Variants in MRM3 observed in about 807,000 individuals in gnomAD.
The protein encoded by MRM3 is rRNA methyltransferase 3, mitochondrial.
Under a neutral mutation model 29.4 loss-of-function variants are expected in MRM3, and 26 were observed. That is an observed-to-expected ratio of 0.89 (90% CI 0.65 to 1.23). The LOEUF is 1.23. Among genes scored for constraint, MRM3 ranks in the 50% most tolerant of loss-of-function variants. The pLI, the probability that MRM3 is intolerant of heterozygous loss-of-function variation, is 0.00. For synonymous variants in MRM3, 225 were observed against 219.0 expected, an observed-to-expected ratio of 1.03 and a Z score of -0.24; for missense variants, 578 against 540.2, an observed-to-expected ratio of 1.07 and a Z score of -0.69.
rs1034200863 is a variant in MRM3 at position 792,173 on chromosome 17, A to C, written c.*104A>C. 5 of 1,182,276 alleles carry C rather than the reference A, an allele frequency of 4.2e-6. No homozygotes were observed. In the African/African-American group the frequency reaches 7.7e-5, roughly 18 times the overall value. The allele number at this position is 1,182,276 out of a possible 1,614,324, so 73.2% of individuals were successfully genotyped here. ...AGTGACTATGGCCCCCACGTTCAGGAGGAAGGTGTGATGCCGTCATACAGT... is the reference window on the plus strand; with the variant it reads ...AGTGACTATGGCCCCCACGTTCAGGCGGAAGGTGTGATGCCGTCATACAGT... On this transcript the variant is annotated 3_prime_UTR_variant, in exon 4 of 4. Transcript: ENST00000304478.
At position 787,603 on chromosome 17, in the gene MRM3, C is replaced by T. The variant is rs1290819327; in HGVS notation, c.560-362C>T. Among the ~76,000 whole-genome samples the T allele has an allele frequency of 2.6e-5, 4 of 151,904 alleles. No individual in the cohort carries two copies. The highest frequency in any genetic ancestry group is 4.4e-5 in the Non-Finnish European group (3 of 67,970). On this transcript the variant is annotated intron_variant, in intron 2 of 3. Coordinates refer to ENST00000304478, the MANE Select transcript of MRM3 (RefSeq NM_018146.4). The surrounding 1 kb of genome is among the most constrained non-coding windows in gnomAD (Gnocchi z 4.1). ...TCACTGTGTCGCCCAGGCTGGAGTG[C>T]AGTGGCGTGATCTTGGCTCACCACA...
intron 2 of MRM3, among the ~76,000 whole-genome samples, chr17:786,398 C>T (rs188798161): frequency 1.3e-5 from 2 of 152,158 alleles, no homozygotes; most frequent in Admixed American, 6.5e-5. Context: ...CTCAGCCTCC[C>T]GAGTAGCTGG....
chr17:786,021 T>C (rs2144520797), intron 2 of MRM3, among the ~76,000 whole-genome samples: 1 of 152,324 alleles, frequency 6.6e-6, no homozygotes, highest in South Asian at 2.1e-4. Context: ...GGCATGCTGT[T>C]TTTTCTATCA....
At chr17:783,056 G>T in intron 1 of MRM3, 27 bp from the exon 2 acceptor site, 1 of 1,352,222 alleles carries the variant, frequency 7.4e-7, no homozygotes, top group Non-Finnish European at 1.0e-6. Flanking sequence ...ATAGTTACCT[G>T]TTTTTTTTTT....
rs1910157559 is a variant in MRM3, at chr17:782,448, C to A, written c.70C>A (p.Leu24Ile). Reference protein sequence around the residue: ...PLLQVVQAWDLDARRWVRALR... With the variant: ...PLLQVVQAWDIDARRWVRALR... Reference sequence around the variant, plus strand: ...GCTGCAGGTGGTCCAGGCTTGGGACCTTGACGCGAGGCGCTGGGTCCGGGC... The same window carrying A: ...GCTGCAGGTGGTCCAGGCTTGGGACATTGACGCGAGGCGCTGGGTCCGGGC... The change falls in exon 1 of 4, where the codon CTT (leucine) becomes ATT (isoleucine). Residue 24 changes from leucine (L) to isoleucine (I), a missense_variant. Leu to Ile is a conservative substitution (Grantham distance 5). Coordinates refer to ENST00000304478, the MANE Select transcript of MRM3 (RefSeq NM_018146.4). The A allele has an allele frequency of 1.2e-6, 2 of 1,613,830 alleles. No homozygotes were observed. Among genetic ancestry groups the A allele is most frequent in the African/African-American group, 2.7e-5 (2 of 74,946 alleles).
rs1311696387 is a variant in MRM3, at chr17:782,390, G to C, written c.12G>C (p.Leu4=). MAA[L]VRPARFVVRP... Reference sequence around the variant, plus strand: ...GGGTCTCAGGGAACATGGCGGCGCTGGTGAGACCCGCGAGGTTTGTCGTGC... The same window carrying C: ...GGGTCTCAGGGAACATGGCGGCGCTCGTGAGACCCGCGAGGTTTGTCGTGC... Residue 4 remains leucine (L), a synonymous_variant, in exon 1 of 4, where the codon CTG becomes CTC. Transcript: ENST00000304478. 6.2e-6 allele frequency: 10 copies of C among 1,613,550 alleles called. No homozygotes were observed. The highest frequency in any genetic ancestry group is 5.0e-5 in the Admixed American group (3 of 59,974).
intron 2 of MRM3, among the ~76,000 whole-genome samples, chr17:785,168 A>T (rs1910477772): frequency 6.6e-6 from 1 of 152,180 alleles, no homozygotes; most frequent in South Asian, 2.1e-4. Flanking sequence ...TGGCTTAAAA[A>T]AAAAAGCTTA....
chr17:792,138 T>C lies in MRM3; in HGVS notation c.*69T>C. ...CTACACCAGCACACTGGTGGGAGGC[T>C]GGCGGAGTCAGTGACTATGGCCCCC... On this transcript the variant is annotated 3_prime_UTR_variant, in exon 4 of 4. Transcript: ENST00000304478. 1 of 1,480,846 alleles carries C rather than the reference T, an allele frequency of 6.8e-7. No homozygotes were observed. 91.7% of individuals were successfully genotyped at this position (1,480,846 alleles called of 1,614,324 possible).
chr17:791,869 A>T lies in MRM3; in HGVS notation c.1063A>T (p.Ile355Phe), dbSNP rs1223206822. Reference protein sequence around the residue: ...DWTEAPAAVVIGGETYGVSLE... With the variant: ...DWTEAPAAVVFGGETYGVSLE... ...GACAGAGGCGCCGGCAGCTGTGGTG[A>T]TTGGCGGGGAGACCTACGGCGTGAG... Residue 355 changes from isoleucine to phenylalanine, a missense_variant, in exon 4 of 4, where the codon ATT (isoleucine) becomes TTT (phenylalanine). Physicochemically the swap from Ile to Phe is conservative, Grantham distance 21 (BLOSUM62 0). Coordinates refer to ENST00000304478, the MANE Select transcript of MRM3 (RefSeq NM_018146.4). 5.0e-6 allele frequency: 8 copies of T among 1,613,950 alleles called. No homozygotes were observed. The highest frequency in any genetic ancestry group is 6.8e-6 in the Non-Finnish European group (8 of 1,180,024).
intron 2 of MRM3, among the ~76,000 whole-genome samples, chr17:786,335 G>A (rs927398107): frequency 6.6e-6 from 1 of 152,158 alleles, no homozygotes; most frequent in Non-Finnish European, 1.5e-5. Flanking sequence ...GTGTAGTGGC[G>A]TGATCTCCGC....
rs560848177 is a variant in MRM3 at position 791,810 on chromosome 17, C to G, written c.1004C>G (p.Pro335Arg). The part of the protein sequence containing the change: ...VETGASQDWL[P>R]HVEVQSYDSD... ...ACCGGAGCCAGTCAAGATTGGCTGCCTCATGTTGAGGTTCAGAGTTACGAC... is the reference window on the plus strand; with the variant it reads ...ACCGGAGCCAGTCAAGATTGGCTGCGTCATGTTGAGGTTCAGAGTTACGAC... Residue 335 changes from proline (P) to arginine (R), a missense_variant, in exon 4 of 4, where the codon CCT (proline) becomes CGT (arginine). Transcript: ENST00000304478. 3 of 1,613,792 alleles carry G rather than the reference C, an allele frequency of 1.9e-6. No homozygotes were observed. Among genetic ancestry groups the G allele is most frequent in the Non-Finnish European group, 2.5e-6 (3 of 1,179,640 alleles).
chr17:784,140 C>CA (rs1381067046), intron 2 of MRM3, among the ~76,000 whole-genome samples: 7 of 152,320 alleles, frequency 4.6e-5, no homozygotes, highest in South Asian at 2.1e-4. Context: ...TTAGCAGTTA[C>CA]AAAGTCTTTG....
intron 2 of MRM3, among the ~76,000 whole-genome samples, chr17:784,050 A>T (rs1242926245): frequency 2.6e-5 from 4 of 152,242 alleles, no homozygotes; most frequent in African/African-American, 4.8e-5. Flanking sequence ...CGTTTAGCCC[A>T]ATAAACAGAG....
Position 792,284 on chromosome 17 carries a change from G to A in MRM3, c.*215G>A. 2.0e-6 allele frequency: 1 copy of A among 506,842 alleles called. No individual in the cohort carries two copies. Among genetic ancestry groups the A allele is most frequent in the South Asian group, 3.6e-5 (1 of 28,018 alleles). 31.4% of individuals were successfully genotyped at this position (506,842 alleles called of 1,614,324 possible). Reference sequence around the variant, plus strand: ...TGATTTTGAGGTTCTTTTTTCTCTTGGTGACAATAGGTGACCCACGTGGCT... The same window carrying A: ...TGATTTTGAGGTTCTTTTTTCTCTTAGTGACAATAGGTGACCCACGTGGCT... On this transcript the variant is annotated 3_prime_UTR_variant, in exon 4 of 4. Coordinates refer to ENST00000304478, the MANE Select transcript of MRM3 (RefSeq NM_018146.4).
At position 791,808 on chromosome 17, in the gene MRM3, G is replaced by C. The variant is rs761921015; in HGVS notation, c.1002G>C (p.Leu334=). The C allele has an allele frequency of 6.2e-7, 1 of 1,614,116 alleles. No individual in the cohort carries two copies. Among genetic ancestry groups the C allele is most frequent in the African/African-American group, 1.3e-5 (1 of 74,954 alleles). The change falls in exon 4 of 4, where the codon CTG becomes CTC. Residue 334 remains leucine (L), a synonymous_variant. Coordinates refer to ENST00000304478, the MANE Select transcript of MRM3 (RefSeq NM_018146.4). Reference sequence around the variant, plus strand: ...AAACCGGAGCCAGTCAAGATTGGCTGCCTCATGTTGAGGTTCAGAGTTACG... The same window carrying C: ...AAACCGGAGCCAGTCAAGATTGGCTCCCTCATGTTGAGGTTCAGAGTTACG... ...DVETGASQDW[L]PHVEVQSYDS...
At chr17:785,296 C>T (rs1257041800) in intron 2 of MRM3, among the ~76,000 whole-genome samples, 2 of 152,176 alleles carry the variant, frequency 1.3e-5, no homozygotes, top group Admixed American at 1.3e-4. Context: ...TTCATGTACT[C>T]AAAGCCATTT....
Position 782,562 on chromosome 17 carries a change from C to T in MRM3, c.184C>T (p.Pro62Ser), listed in dbSNP as rs781625485. The T allele has an allele frequency of 1.9e-6, 3 of 1,613,938 alleles. No homozygotes were observed. The African/African-American group carries it at 4.0e-5, about 22-fold the overall frequency. Residue 62 changes from proline to serine, a missense_variant, in exon 1 of 4, where the codon CCA becomes TCA. Transcript: ENST00000304478. ...TCCTGGGAAGCAGCCCCGCAAGGCACCATCTGAGGCCAGTGCCCAGGAGCA... is the reference window on the plus strand; with the variant it reads ...TCCTGGGAAGCAGCCCCGCAAGGCATCATCTGAGGCCAGTGCCCAGGAGCA... ...RAPGKQPRKA[P>S]SEASAQEQRE...
At position 788,119 on chromosome 17, in the gene MRM3, G is replaced by T. The variant is rs758343392; in HGVS notation, c.714G>T (p.Val238=). The stretch of plus-strand genomic sequence containing the variant: ...CAGCTGGGGCAGGCTGCAGCAAAGT[G>T]TTACTCACCAAAGGTAAGGACATCA... ...RSAAGAGCSK[V]LLTKGCVDAW... Residue 238 remains valine, a synonymous_variant, in exon 3 of 4, where the codon GTG becomes GTT. Transcript: ENST00000304478. 1 of 1,614,136 alleles carries T rather than the reference G, an allele frequency of 6.2e-7. No individual in the cohort carries two copies. Among genetic ancestry groups the T allele is most frequent in the Non-Finnish European group, 8.5e-7 (1 of 1,180,026 alleles).
chr17:791,758 A>C lies in MRM3; in HGVS notation c.952A>C (p.Lys318Gln), dbSNP rs1910833631. The C allele has an allele frequency of 2.5e-6, 4 of 1,614,194 alleles. No individual in the cohort carries two copies. The highest frequency in any genetic ancestry group is 3.4e-6 in the Non-Finnish European group (4 of 1,180,050). ...VCDQRVMKFH[K>Q]YEEEEDVETG... ...TGATCAACGAGTGATGAAGTTTCACAAGTATGAGGAAGAGGAAGATGTAGA... is the reference window on the plus strand; with the variant it reads ...TGATCAACGAGTGATGAAGTTTCACCAGTATGAGGAAGAGGAAGATGTAGA... Residue 318 changes from lysine to glutamine, a missense_variant, in exon 4 of 4, where the codon AAG becomes CAG. Lys to Gln is a moderately conservative substitution (Grantham distance 53). Transcript: ENST00000304478.
Sources: gnomAD v4.1 joint callset for allele counts (sites outside exome capture counted in the v4.1 genomes callset) on GRCh38, gnomAD v4.1.1 for gene constraint, Gnocchi (gnomAD v3.1) non-coding constraint, MANE v1.5 for transcripts, NCBI Gene and HGNC (gene_info 2026-07-23, HGNC 2026-07-21) for gene names.